PCMTD1: variants seen among roughly 807,000 people sequenced by gnomAD.
PCMTD1 encodes the protein protein-L-isoaspartate O-methyltransferase domain-containing protein 1.
PCMTD1 carries 12 observed loss-of-function variants against 37.6 expected under a neutral mutation model. The ratio of observed to expected loss-of-function variants is 0.32; its 90% CI spans 0.20 to 0.52. The LOEUF is 0.52. PCMTD1 is among the 20% of genes least tolerant of loss of function. The pLI, the probability that PCMTD1 is intolerant of heterozygous loss-of-function variation, is 0.97. For missense variants in PCMTD1, 235 were observed against 421.3 expected (o/e 0.56, Z 3.87); for synonymous variants, 117 against 135.8 (o/e 0.86, Z 0.96).
At chr8:51,846,057 C>T (rs746320928) in intron 2 of PCMTD1, among the ~76,000 whole-genome samples, 2 of 152,144 alleles carry the variant, frequency 1.3e-5, no homozygotes, top group African/African-American at 2.4e-5. Context: ...CAGGACAAAA[C>T]TGCCAAAAGA....
At chr8:51,867,584 CA>C (rs2038575494) in intron 1 of PCMTD1, among the ~76,000 whole-genome samples, 1 of 145,308 alleles carries the variant, frequency 6.9e-6, no homozygotes, top group South Asian at 2.2e-4. Context: ...ATATAAAATC[CA>C]TTTATATATA....
intron 1 of PCMTD1, among the ~76,000 whole-genome samples, chr8:51,865,886 C>T (rs1234018501): frequency 6.6e-6 from 1 of 151,696 alleles, no homozygotes; most frequent in Non-Finnish European, 1.5e-5. Context: ...CCTATGTTAA[C>T]TGATAACATA....
At chr8:51,863,026 A>ACT (rs1484442079) in intron 1 of PCMTD1, among the ~76,000 whole-genome samples, 2 of 70,450 alleles carry the variant, frequency 2.8e-5, no homozygotes, top group Non-Finnish European at 1.1e-4. Context: ...GCATTTCAAT[A>ACT]CTTTTTTTTT....
At chr8:51,860,720 A>G (rs2038459650) in intron 2 of PCMTD1, 125 bp downstream of exon 2, 1 of 796,476 alleles carries the variant, frequency 1.3e-6, no homozygotes, top group Non-Finnish European at 1.9e-6. Context: ...CTAAGTAAGG[A>G]AGATACCTAC....
At chr8:51,871,137 A>G (rs2129289535) in intron 1 of PCMTD1, among the ~76,000 whole-genome samples, 1 of 152,328 alleles carries the variant, frequency 6.6e-6, no homozygotes, top group East Asian at 1.9e-4. Context: ...AGGGGAAACA[A>G]AAAAACACTG....
At chr8:51,833,746 T>A in intron 3 of PCMTD1, 57 bp from the exon 4 acceptor site, 1 of 1,457,600 alleles carries the variant, frequency 6.9e-7, no homozygotes, top group Non-Finnish European at 9.4e-7. Context: ...ATCTAAAAAA[T>A]TTACCATAAT....
chr8:51,870,725 T>C (rs1315287820), intron 1 of PCMTD1, among the ~76,000 whole-genome samples: 1 of 152,180 alleles, frequency 6.6e-6, no homozygotes, highest in Non-Finnish European at 1.5e-5. Flanking sequence ...CACAGAACAA[T>C]TTGCTCAGAG....
chr8:51,825,880 T>C (rs535183414), intron 5 of PCMTD1, among the ~76,000 whole-genome samples: 1 of 152,222 alleles, frequency 6.6e-6, no homozygotes, highest in East Asian at 1.9e-4. Context: ...TGAGGAGAAA[T>C]AGGAACACTT....
chr8:51,854,853 G>A (rs1004626548), intron 2 of PCMTD1, among the ~76,000 whole-genome samples: 1 of 151,420 alleles, frequency 6.6e-6, no homozygotes, highest in Non-Finnish European at 1.5e-5. Context: ...CTCCAGCCTG[G>A]GCTCTGACAG....
chr8:51,855,203 A>AAAC (rs2038367954), intron 2 of PCMTD1, among the ~76,000 whole-genome samples: 2 of 140,142 alleles, frequency 1.4e-5, no homozygotes, highest in African/African-American at 5.3e-5. Context: ...ACAAAAAAAA[A>AAAC]ACATAATTTA....
intron 5 of PCMTD1, among the ~76,000 whole-genome samples, chr8:51,825,900 T>C (rs978311161): frequency 1.3e-5 from 2 of 152,140 alleles, no homozygotes; most frequent in Non-Finnish European, 2.9e-5. Context: ...TTTACACTGT[T>C]GGTGGGAGTG....
chr8:51,850,998 C>A (rs1004297643), intron 2 of PCMTD1, among the ~76,000 whole-genome samples: 1 of 152,060 alleles, frequency 6.6e-6, no homozygotes. Flanking sequence ...AAGCAATCGG[C>A]GAAAGGCTAA....
At position 51,819,387 on chromosome 8, in the gene PCMTD1, T is replaced by C. The variant is rs2037811181; in HGVS notation, c.*964A>G. ...CAGATAAACTAGAAGTTCCATCTGC[T>C]AAAGTGCATCCGCTGACCAGGTCTA... On this transcript the variant is annotated 3_prime_UTR_variant, in exon 6 of 6. Transcript: ENST00000522514. 1 of 152,126 alleles carries C rather than the reference T, an allele frequency of 6.6e-6. No homozygotes were observed. The highest frequency in any genetic ancestry group is 2.4e-5 in the African/African-American group (1 of 41,434). The allele number at this position is 152,126 out of a possible 1,614,324, so 9.4% of individuals were successfully genotyped here.
chr8:51,828,890 C>T (rs1367208096), intron 5 of PCMTD1, among the ~76,000 whole-genome samples: 2 of 152,176 alleles, frequency 1.3e-5, no homozygotes, highest in Non-Finnish European at 2.9e-5. Flanking sequence ...TTTAAATAAA[C>T]ATTTCAACAC....
chr8:51,880,597 A>G (rs931890818), intron 1 of PCMTD1, among the ~76,000 whole-genome samples: 6 of 152,124 alleles, frequency 3.9e-5, no homozygotes, highest in Non-Finnish European at 5.9e-5. Flanking sequence ...TCAATCTCCA[A>G]AGGAACAACT....
intron 3 of PCMTD1, among the ~76,000 whole-genome samples, chr8:51,837,618 T>C (rs1038747867): frequency 2.0e-5 from 3 of 152,146 alleles, no homozygotes; most frequent in African/African-American, 7.2e-5. Flanking sequence ...AAAAAAGCTC[T>C]CAAACTGCAT....
rs1026086633 is a variant in PCMTD1 at position 51,875,282 on chromosome 8, C to T, written c.-95-14036G>A. 1.5e-4 allele frequency among the ~76,000 whole-genome samples: 23 copies of T among 152,174 alleles called. 2 individuals are homozygous for T. The highest frequency in any genetic ancestry group is 1.2e-3 in the Admixed American group (19 of 15,284). On this transcript the variant is annotated intron_variant, in intron 1 of 5. Coordinates refer to ENST00000522514, the MANE Select transcript of PCMTD1 (RefSeq NM_052937.4). ...GTCAGGTTTTCCTATTATTTTTATT[C>T]TTAAGGGATTCACTCTCTTCACAGA... is the stretch of plus-strand genomic sequence containing the variant.
chr8:51,840,903 T>C (rs1243385069), intron 3 of PCMTD1, among the ~76,000 whole-genome samples: 5 of 152,152 alleles, frequency 3.3e-5, no homozygotes, highest in Non-Finnish European at 7.4e-5. Flanking sequence ...ATAAATGCTA[T>C]AGTGAATTAA....
chr8:51,826,318 G>A (rs2037920412), intron 5 of PCMTD1, among the ~76,000 whole-genome samples: 1 of 152,068 alleles, frequency 6.6e-6, no homozygotes, highest in Non-Finnish European at 1.5e-5. Context: ...TGAACAATGA[G>A]AACACATGGA....
Sources: allele counts gnomAD v4.1 joint callset (sites outside exome capture counted in the v4.1 genomes callset), GRCh38; gene constraint gnomAD v4.1.1; transcripts MANE v1.5; gene names NCBI Gene and HGNC (gene_info 2026-07-23, HGNC 2026-07-21).